Variants in PC observed in about 807,000 individuals in gnomAD.
PC encodes the protein pyruvate carboxylase, mitochondrial.
PC carries 46 observed loss-of-function variants against 107.8 expected under a neutral mutation model. That is an observed-to-expected ratio of 0.43 (90% CI 0.34 to 0.55). PC has a LOEUF of 0.55. Ranked by LOEUF, PC falls within the 20% of genes least tolerant of loss-of-function variation. The probability of loss-of-function intolerance (pLI) is 0.04; values close to 1 mark genes in which losing one functional copy is unlikely to be tolerated. For synonymous variants in PC, 662 were observed against 684.7 expected (o/e 0.97, Z 0.52); for missense variants, 1,241 against 1,643.1 (o/e 0.76, Z 4.23).
chr11:66,867,788 G>A (rs1040716205), intron 10 of PC, among the ~76,000 whole-genome samples: 2 of 152,260 alleles, frequency 1.3e-5, no homozygotes, highest in Non-Finnish European at 2.9e-5. Flanking sequence ...TTGAGGGGAA[G>A]AGTCTCACTC....
chr11:66,858,458 C>T lies in PC; in HGVS notation c.1369-5075G>A. 5.8e-6 allele frequency: 9 copies of T among 1,550,282 alleles called. No individual in the cohort carries two copies. The highest frequency in any genetic ancestry group is 2.3e-5 in the South Asian group (2 of 85,356). The stretch of plus-strand genomic sequence containing the variant: ...GCTTTAGCGGGAACCCCCTGCACTG[C>T]AACTGTGAGCTGCTGTGGCTGCGGC... On this transcript the variant is annotated intron_variant, in intron 12 of 22. Coordinates refer to ENST00000393960, the MANE Select transcript of PC (RefSeq NM_001040716.2). The surrounding 1 kb of genome is among the most constrained non-coding windows in gnomAD (Gnocchi z 5.9).
At chr11:66,875,950 A>C (rs1186109361) in intron 3 of PC, among the ~76,000 whole-genome samples, 2 of 152,196 alleles carry the variant, frequency 1.3e-5, no homozygotes, top group African/African-American at 2.4e-5. Context: ...GAATTTAATC[A>C]GGAGAAAGCA....
chr11:66,893,238 T>A (rs139452425), intron 3 of PC, among the ~76,000 whole-genome samples: 1 of 152,164 alleles, frequency 6.6e-6, no homozygotes, highest in African/African-American at 2.4e-5. Context: ...AGTGGGCATA[T>A]TTATGCCACA....
intron 3 of PC, among the ~76,000 whole-genome samples, chr11:66,882,417 G>A (rs1231103850): frequency 6.6e-6 from 1 of 152,246 alleles, no homozygotes; most frequent in Non-Finnish European, 1.5e-5. Context: ...GGAAGGGAAA[G>A]ACCAGGCCCT....
chr11:66,882,998 A>C (rs927466114), intron 3 of PC, among the ~76,000 whole-genome samples: 1 of 152,212 alleles, frequency 6.6e-6, no homozygotes, highest in African/African-American at 2.4e-5. Context: ...ACAATACCAA[A>C]GACGGAAACA....
chr11:66,882,333 C>T (rs76372381), intron 3 of PC, among the ~76,000 whole-genome samples: 7,864 of 152,278 alleles, frequency 0.052, 317 homozygotes, highest in East Asian at 0.11. Context: ...CACATCGCTT[C>T]GTCCTACATA....
At position 66,857,128 on chromosome 11, in the gene PC, G is replaced by C. The variant is rs532639285; in HGVS notation, c.1369-3745C>G. ...TAACCGCGCCGGGAAAAGGTGCCGG[G>C]AACCGAGCGAGCCGGGGCCGCGGGC... is the stretch of plus-strand genomic sequence containing the variant. On this transcript the variant is annotated intron_variant, in intron 12 of 22. Transcript: ENST00000393960. This position sits in a 1 kb window ranked among gnomAD's most constrained non-coding sequence, Gnocchi z 7.1. 4 of 148,214 alleles carry C rather than the reference G, an allele frequency of 2.7e-5. No individual in the cohort carries two copies. Among genetic ancestry groups the C allele is most frequent in the South Asian group, 4.1e-4 (2 of 4,826 alleles). The allele number at this position is 148,214 out of a possible 1,614,324, so 9.2% of individuals were successfully genotyped here. A position where few individuals can be genotyped will look rare whatever the true frequency, so the allele number is the denominator to read the frequency against.
chr11:66,859,907 G>C (rs935465697), intron 12 of PC: 9 of 1,579,278 alleles, frequency 5.7e-6, no homozygotes, highest in Non-Finnish European at 7.7e-6. Context: ...TGCTGGTTCG[G>C]GGCCGGGGGG....
intron 3 of PC, among the ~76,000 whole-genome samples, chr11:66,939,804 CAAAAAAA>C (rs56761659): frequency 2.7e-4 from 11 of 40,162 alleles, no homozygotes; most frequent in Non-Finnish European, 3.3e-4. Flanking sequence ...AACTCCGTCT[CAAAAAAA>C]AAAAAAAAAA....
At chr11:66,910,285 C>T (rs189283075) in intron 3 of PC, among the ~76,000 whole-genome samples, 27 of 152,216 alleles carry the variant, frequency 1.8e-4, no homozygotes, top group Admixed American at 1.6e-3. Flanking sequence ...CTGGGTAGTG[C>T]TTACATCTGT....
At chr11:66,865,701 G>T (rs1412511386) in intron 11 of PC, among the ~76,000 whole-genome samples, 2 of 151,980 alleles carry the variant, frequency 1.3e-5, no homozygotes, top group African/African-American at 2.4e-5. Context: ...CTCCTGTGCC[G>T]CCATCTCCGA....
chr11:66,914,842 C>G (rs905087946), intron 3 of PC, among the ~76,000 whole-genome samples: 1 of 152,010 alleles, frequency 6.6e-6, no homozygotes, highest in African/African-American at 2.4e-5. Flanking sequence ...CAAGACCAGC[C>G]TGGGCAACAT....
In PC at chr11:66,910,110, C is replaced by T. The variant is rs115996355; in HGVS notation, c.1-37951G>A. ...TTTCTTCATCTGAGAAAAACACAAG[C>T]GGGGGGAGTAAGTGTCTGGCTTAAA... is the stretch of plus-strand genomic sequence containing the variant. On this transcript the variant is annotated intron_variant, in intron 3 of 22. Coordinates refer to ENST00000393960, the MANE Select transcript of PC (RefSeq NM_001040716.2). 1.1e-3 allele frequency among the ~76,000 whole-genome samples: 171 copies of T among 152,178 alleles called. 1 individual carries two copies. Among genetic ancestry groups the T allele is most frequent in the African/African-American group, 3.6e-3 (151 of 41,514 alleles).
intron 3 of PC, among the ~76,000 whole-genome samples, chr11:66,948,048 T>TAGAC (rs1949345866): frequency 6.7e-6 from 1 of 148,912 alleles, no homozygotes. Flanking sequence ...GATAGATAGA[T>TAGAC]AGATAGATAG....
intron 12 of PC, chr11:66,859,540 G>A: frequency 1.3e-6 from 2 of 1,562,024 alleles, no homozygotes; most frequent in Non-Finnish European, 1.7e-6. Flanking sequence ...AGTGGCCCCA[G>A]GGGGAGGGGT....
At chr11:66,856,595 C>T (rs1325816870) in intron 12 of PC, 1 of 152,612 alleles carries the variant, frequency 6.6e-6, no homozygotes, top group East Asian at 1.9e-4. Flanking sequence ...TCTGTGAACG[C>T]AAGGGTCCCA....
In PC at chr11:66,870,547, G is replaced by C. The variant is rs1659816156; in HGVS notation, c.752-94C>G. ...CCCACATAACCACTGTCGCCAGTCA[G>C]TGCCGGCTGCCAGCGGTACAGAGGC... On this transcript the variant is annotated intron_variant, in intron 8 of 22. Coordinates refer to ENST00000393960, the MANE Select transcript of PC (RefSeq NM_001040716.2). The surrounding 1 kb of genome is among the most constrained non-coding windows in gnomAD (Gnocchi z 6.1). 1 of 1,450,604 alleles carries C rather than the reference G, an allele frequency of 6.9e-7. No homozygotes were observed. The allele number at this position is 1,450,604 out of a possible 1,614,324, so 89.9% of individuals were successfully genotyped here.
rs773421725 is a variant in PC at position 66,848,920 on chromosome 11, G to T, written c.3516C>A (p.Asp1172Glu). ...AAGATCACTCGATCTCCAGGATGAG[G>T]TCGTCACCTTCCAGTGTCATGTCCT... is the stretch of plus-strand genomic sequence containing the variant. ...VTKDMTLEGD[D>E]LILEIE Residue 1172 changes from aspartate to glutamate, a missense_variant, in exon 23 of 23, where the codon GAC becomes GAA. Physicochemically the swap from Asp to Glu is conservative, Grantham distance 45 (BLOSUM62 2). Coordinates refer to ENST00000393960, the MANE Select transcript of PC (RefSeq NM_001040716.2). 6 of 1,613,808 alleles carry T rather than the reference G, an allele frequency of 3.7e-6. No homozygotes were observed. The African/African-American group carries it at 5.3e-5, about 14-fold the overall frequency.
rs796052028 is a variant in PC at position 66,853,263 on chromosome 11, C to A, written c.1489G>T (p.Ala497Ser). The A allele has an allele frequency of 2.5e-6, 4 of 1,613,998 alleles. No individual in the cohort carries two copies. The highest frequency in any genetic ancestry group is 3.4e-6 in the Non-Finnish European group (4 of 1,179,980). ...LFQLRPAQNR[A>S]QKLLHYLGHV... ...CCGAGGTAGTGCAACAGCTTTTGGG[C>A]CCGGTTCTGTGCAGGCCGCAGCTGG... Residue 497 changes from alanine to serine, a missense_variant, in exon 13 of 23, where the codon GCC becomes TCC. Coordinates refer to ENST00000393960, the MANE Select transcript of PC (RefSeq NM_001040716.2).
Sources: allele counts gnomAD v4.1 joint callset (sites outside exome capture counted in the v4.1 genomes callset), GRCh38; gene constraint gnomAD v4.1.1; non-coding constraint Gnocchi (gnomAD v3.1); transcripts MANE v1.5; gene names NCBI Gene and HGNC (gene_info 2026-07-23, HGNC 2026-07-21).